The following LHFPL3 variants were observed in gnomAD, a reference collection of about 807,000 sequenced individuals.
LHFPL3 encodes LHFPL tetraspan subfamily member 3.
A neutral mutation model predicts 19.3 loss-of-function variants in LHFPL3; 5 were observed. That is an observed-to-expected ratio of 0.26 (90% CI 0.14 to 0.54). The LOEUF (loss-of-function observed/expected upper bound fraction) is 0.54. LHFPL3 is among the 20% of genes least tolerant of loss of function. LHFPL3 has a pLI of 0.94. For synonymous variants in LHFPL3, 133 were observed against 126.2 expected (o/e 1.05, Z -0.36); for missense variants, 249 against 307.4 (o/e 0.81, Z 1.42).
At chr7:104,847,045 G>T (rs1254015346) in intron 2 of LHFPL3, among the ~76,000 whole-genome samples, 1 of 152,244 alleles carries the variant, frequency 6.6e-6, no homozygotes, top group Non-Finnish European at 1.5e-5. Context: ...AGAAGAACAA[G>T]GGCAGGAAGA....
At chr7:104,859,128 G>A (rs149943783) in intron 2 of LHFPL3, among the ~76,000 whole-genome samples, 224 of 151,642 alleles carry the variant, frequency 1.5e-3, no homozygotes, top group African/African-American at 4.1e-3. Context: ...TTAGCCAGGC[G>A]TGTTGGCAGG....
intron 1 of LHFPL3, among the ~76,000 whole-genome samples, chr7:104,408,636 C>G (rs1030611604): frequency 6.6e-6 from 1 of 152,090 alleles, no homozygotes; most frequent in South Asian, 2.1e-4. Context: ...TTTATCATCA[C>G]AACTTGAAAA....
chr7:104,537,361 C>T (rs1794408976), intron 1 of LHFPL3, among the ~76,000 whole-genome samples: 3 of 152,216 alleles, frequency 2.0e-5, no homozygotes, highest in African/African-American at 7.2e-5. Context: ...ATGAGATTAT[C>T]AGTAGAATAT....
chr7:104,631,525 G>A (rs1418471084), intron 1 of LHFPL3, among the ~76,000 whole-genome samples: 3 of 152,216 alleles, frequency 2.0e-5, no homozygotes, highest in Admixed American at 6.6e-5. Context: ...AAAAGACTGG[G>A]TTGGAGGAGG....
intron 1 of LHFPL3, among the ~76,000 whole-genome samples, chr7:104,533,921 T>C (rs1393056788): frequency 1.3e-5 from 2 of 152,184 alleles, no homozygotes; most frequent in Non-Finnish European, 2.9e-5. Context: ...TTTTTAGGCT[T>C]CCCTCCGCTG....
At chr7:104,739,196 AT>A (rs1435050977) in intron 2 of LHFPL3, among the ~76,000 whole-genome samples, 1 of 152,246 alleles carries the variant, frequency 6.6e-6, no homozygotes, top group African/African-American at 2.4e-5. Flanking sequence ...CTTGTATAAA[AT>A]TTAGTCAAAC....
chr7:104,702,070 C>A (rs2116178358), intron 1 of LHFPL3, among the ~76,000 whole-genome samples: 1 of 152,174 alleles, frequency 6.6e-6, no homozygotes, highest in East Asian at 1.9e-4. Context: ...TGTTCCCCTC[C>A]CTGTGTCCAT....
intron 1 of LHFPL3, among the ~76,000 whole-genome samples, chr7:104,543,901 AAT>A (rs1491441017): frequency 6.9e-6 from 1 of 145,122 alleles, no homozygotes; most frequent in Admixed American, 6.8e-5. Flanking sequence ...TGTACCCCAA[AAT>A]ATAATAATAA....
At chr7:104,641,087 T>A (rs1246460683) in intron 1 of LHFPL3, among the ~76,000 whole-genome samples, 1 of 152,226 alleles carries the variant, frequency 6.6e-6, no homozygotes, top group Non-Finnish European at 1.5e-5. Context: ...AGGTTGAAAG[T>A]ATAGCAGGGA....
intron 2 of LHFPL3, among the ~76,000 whole-genome samples, chr7:104,774,497 A>T (rs1051030801): frequency 6.6e-6 from 1 of 152,216 alleles, no homozygotes; most frequent in Non-Finnish European, 1.5e-5. Context: ...CCAGAACCCA[A>T]TTCTCACCAT....
At chr7:104,511,867 G>A (rs552406394) in intron 1 of LHFPL3, among the ~76,000 whole-genome samples, 1 of 151,668 alleles carries the variant, frequency 6.6e-6, no homozygotes, top group East Asian at 1.9e-4. Flanking sequence ...TAAATAAATT[G>A]AGATTCTAAG....
At chr7:104,865,406 G>A (rs1163311173) in intron 2 of LHFPL3, among the ~76,000 whole-genome samples, 1 of 152,148 alleles carries the variant, frequency 6.6e-6, no homozygotes, top group Non-Finnish European at 1.5e-5. Flanking sequence ...GAAAACCAAG[G>A]CACGAGAACT....
intron 2 of LHFPL3, chr7:104,802,788 T>A (rs1790281130): frequency 6.6e-6 from 1 of 152,234 alleles, no homozygotes; most frequent in Non-Finnish European, 1.5e-5. Context: ...CTAAGTTCCA[T>A]CCTTTCCAAC....
chr7:104,395,928 A>G (rs917434874), intron 1 of LHFPL3, among the ~76,000 whole-genome samples: 3 of 152,220 alleles, frequency 2.0e-5, no homozygotes, highest in Non-Finnish European at 2.9e-5. Context: ...GTTATAAATG[A>G]TAGAAATAGG....
chr7:104,504,766 A>G (rs1318443917), intron 1 of LHFPL3, among the ~76,000 whole-genome samples: 2 of 152,166 alleles, frequency 1.3e-5, no homozygotes, highest in Non-Finnish European at 2.9e-5. Context: ...GATACCATTA[A>G]AACCAGAATT....
chr7:104,361,490 C>T (rs1390314935), intron 1 of LHFPL3, among the ~76,000 whole-genome samples: 1 of 152,112 alleles, frequency 6.6e-6, no homozygotes, highest in Non-Finnish European at 1.5e-5. Context: ...ACTTTTCCAT[C>T]TGAAAGTGGG....
chr7:104,377,130 G>A lies in LHFPL3; in HGVS notation c.445+47906G>A, dbSNP rs967766804. Among the ~76,000 whole-genome samples the A allele has an allele frequency of 4.6e-5, 7 of 152,156 alleles. No homozygotes were observed. In the South Asian group the frequency reaches 1.2e-3, roughly 27 times the overall value. On this transcript the variant is annotated intron_variant, in intron 1 of 2. Transcript: ENST00000424859. ...ATATCTCTGTTCTTGTGGGTGGCAG[G>A]GGACTGGATGCATTCTGACATCTTG...
chr7:104,447,714 A>T (rs561841123), intron 1 of LHFPL3, among the ~76,000 whole-genome samples: 64 of 152,288 alleles, frequency 4.2e-4, no homozygotes, highest in Non-Finnish European at 7.1e-4. Context: ...AACTTCACCA[A>T]GATTCCTATC....
chr7:104,535,192 A>G (rs1448708792), intron 1 of LHFPL3, among the ~76,000 whole-genome samples: 1 of 152,230 alleles, frequency 6.6e-6, no homozygotes, highest in Non-Finnish European at 1.5e-5. Flanking sequence ...GTAAGAAAGA[A>G]AACCTAGGAG....
Sources: gnomAD v4.1 joint callset for allele counts (sites outside exome capture counted in the v4.1 genomes callset) on GRCh38, gnomAD v4.1.1 for gene constraint, MANE v1.5 for transcripts, NCBI Gene and HGNC (gene_info 2026-07-23, HGNC 2026-07-21) for gene names.